Variants in DLG2 observed in about 807,000 individuals in gnomAD.
The protein encoded by DLG2 is disks large homolog 2.
In DLG2, 45 loss-of-function variants were observed where a neutral mutation model predicts 132.5. The observed-to-expected ratio is 0.34, with a 90% confidence interval of 0.27 to 0.44. The LOEUF (loss-of-function observed/expected upper bound fraction) is 0.44, where lower values mean the gene tolerates loss of function less well. Among genes scored for constraint, DLG2 ranks in the 20% least tolerant of loss-of-function variants. The probability of loss-of-function intolerance (pLI) is 1.00; values close to 1 mark genes in which losing one functional copy is unlikely to be tolerated. For missense variants in DLG2, 1,045 were observed against 1,196.9 expected (o/e 0.87, Z 1.87); for synonymous variants, 424 against 419.6 (o/e 1.01, Z -0.13).
chr11:83,999,890 T>A (rs2094251561), intron 11 of DLG2, among the ~76,000 whole-genome samples: 1 of 149,046 alleles, frequency 6.7e-6, no homozygotes, highest in African/African-American at 2.5e-5. Flanking sequence ...AAAAGCAAAT[T>A]AAAAAAATGA....
At chr11:83,822,689 G>A (rs1206131518) in intron 17 of DLG2, among the ~76,000 whole-genome samples, 6 of 152,212 alleles carry the variant, frequency 3.9e-5, no homozygotes, top group African/African-American at 1.4e-4. Context: ...CCCTTAGTAG[G>A]AGGATTTCCT....
Position 84,630,447 on chromosome 11 carries a change from T to C in DLG2, c.358-95716A>G, listed in dbSNP as rs13377330. Reference sequence around the variant, plus strand: ...TGCTGTGCTCTTAACTGCAAGTCCTTCATTTTCTCAACATTTTTAAACATC... The same window carrying C: ...TGCTGTGCTCTTAACTGCAAGTCCTCCATTTTCTCAACATTTTTAAACATC... On this transcript the variant is annotated intron_variant, in intron 6 of 27. Transcript: ENST00000376104. 4.1e-3 allele frequency among the ~76,000 whole-genome samples: 621 copies of C among 152,316 alleles called. 6 individuals carry two copies. Among genetic ancestry groups the C allele is most frequent in the African/African-American group, 0.014 (571 of 41,566 alleles).
At chr11:83,716,957 T>C (rs1197168140) in intron 18 of DLG2, among the ~76,000 whole-genome samples, 1 of 152,216 alleles carries the variant, frequency 6.6e-6, no homozygotes, top group Non-Finnish European at 1.5e-5. Flanking sequence ...CTAACAACCA[T>C]ACTCTTAGGC....
At chr11:84,022,643 A>G (rs1407240213) in intron 11 of DLG2, among the ~76,000 whole-genome samples, 1 of 152,230 alleles carries the variant, frequency 6.6e-6, no homozygotes, top group Non-Finnish European at 1.5e-5. Context: ...GAGCAAAAGC[A>G]TATCTTTTAA....
chr11:85,286,688 A>C (rs1190048131), intron 3 of DLG2, among the ~76,000 whole-genome samples: 2 of 152,126 alleles, frequency 1.3e-5, no homozygotes, highest in African/African-American at 4.8e-5. Context: ...CAGCTTTGTC[A>C]TATATAATTC....
intron 9 of DLG2, among the ~76,000 whole-genome samples, chr11:84,162,341 T>C (rs2095565515): frequency 6.6e-6 from 1 of 151,944 alleles, no homozygotes; most frequent in Non-Finnish European, 1.5e-5. Context: ...TATATAGCTT[T>C]GTGTCTACTG....
At chr11:85,021,997 A>G (rs1187273852) in intron 6 of DLG2, among the ~76,000 whole-genome samples, 2 of 152,182 alleles carry the variant, frequency 1.3e-5, no homozygotes, top group African/African-American at 4.8e-5. Flanking sequence ...AACTAGCTTT[A>G]AACTAATGTT....
chr11:84,795,676 A>T (rs1321667173), intron 6 of DLG2, among the ~76,000 whole-genome samples: 2 of 152,162 alleles, frequency 1.3e-5, no homozygotes, highest in African/African-American at 4.8e-5. Context: ...CATGTTGTGG[A>T]CAATGAGAAG....
chr11:85,002,806 C>T (rs1206312143), intron 6 of DLG2, among the ~76,000 whole-genome samples: 2 of 151,868 alleles, frequency 1.3e-5, no homozygotes, highest in African/African-American at 4.8e-5. Flanking sequence ...TGCTTGGCCA[C>T]CTCTGAGATA....
At chr11:84,575,716 T>C (rs1320276004) in intron 6 of DLG2, among the ~76,000 whole-genome samples, 1 of 152,224 alleles carries the variant, frequency 6.6e-6, no homozygotes, top group Admixed American at 6.5e-5. Context: ...TATTTTAAAA[T>C]GTATAATTAT....
At chr11:83,984,225 GATAGAT>G (rs781120330) in intron 11 of DLG2, among the ~76,000 whole-genome samples, 1 of 139,736 alleles carries the variant, frequency 7.2e-6, no homozygotes, top group South Asian at 2.2e-4. Context: ...TAGATAGATA[GATAGAT>G]AGATAAAAAT....
chr11:84,853,443 T>C (rs1275357951), intron 6 of DLG2, among the ~76,000 whole-genome samples: 1 of 152,076 alleles, frequency 6.6e-6, no homozygotes, highest in Non-Finnish European at 1.5e-5. Flanking sequence ...TTCTTATTTG[T>C]CTTGTTCAAA....
At chr11:84,234,555 GC>G (rs572327673) in intron 8 of DLG2, among the ~76,000 whole-genome samples, 2 of 151,968 alleles carry the variant, frequency 1.3e-5, no homozygotes, top group Non-Finnish European at 1.5e-5. Flanking sequence ...AAAATTCTAA[GC>G]CCCCCAACCA....
intron 18 of DLG2, among the ~76,000 whole-genome samples, chr11:83,744,685 C>T (rs1166472763): frequency 2.0e-5 from 3 of 152,110 alleles, no homozygotes; most frequent in Admixed American, 1.3e-4. Context: ...TCCGTTACCA[C>T]TTCAATTTCA....
chr11:84,037,388 G>T (rs187403896), intron 11 of DLG2, among the ~76,000 whole-genome samples: 2 of 152,138 alleles, frequency 1.3e-5, no homozygotes, highest in East Asian at 3.9e-4. Flanking sequence ...AATTTCTAAA[G>T]ACAAGACTCA....
chr11:85,304,443 G>T (rs562284858), intron 3 of DLG2, among the ~76,000 whole-genome samples: 2 of 152,020 alleles, frequency 1.3e-5, no homozygotes, highest in African/African-American at 4.8e-5. Flanking sequence ...CTAACTGAAG[G>T]TCCAAGAATT....
At chr11:84,879,508 G>A (rs373121443) in intron 6 of DLG2, among the ~76,000 whole-genome samples, 66 of 152,240 alleles carry the variant, frequency 4.3e-4, no homozygotes, top group Non-Finnish European at 7.1e-4. Context: ...CTTTGTTTGT[G>A]TGTGGGTGGT....
At chr11:83,869,398 T>C (rs968222505) in intron 16 of DLG2, among the ~76,000 whole-genome samples, 1 of 152,092 alleles carries the variant, frequency 6.6e-6, no homozygotes, top group African/African-American at 2.4e-5. Context: ...AGATGTTCCT[T>C]GGAAAGGATA....
chr11:85,609,201 A>G (rs1031677573), intron 2 of DLG2, among the ~76,000 whole-genome samples: 3 of 152,210 alleles, frequency 2.0e-5, no homozygotes, highest in Non-Finnish European at 4.4e-5. Context: ...GGGAGGCCTT[A>G]AGAAAATATA....
Sources: gnomAD v4.1 joint callset for allele counts (sites outside exome capture counted in the v4.1 genomes callset) on GRCh38, gnomAD v4.1.1 for gene constraint, MANE v1.5 for transcripts, NCBI Gene and HGNC (gene_info 2026-07-23, HGNC 2026-07-21) for gene names.